COMMD10: variants seen among roughly 807,000 people sequenced by gnomAD.
COMMD10 encodes the protein COMM domain containing 10.
In COMMD10, 33 loss-of-function variants were observed where a neutral mutation model predicts 28.9. The observed-to-expected ratio is 1.14, with a 90% CI of 0.87 to 1.53. COMMD10 has a LOEUF of 1.53. Among genes scored for constraint, COMMD10 ranks in the 40% most tolerant of loss-of-function variants. The pLI is 0.00. For missense variants in COMMD10, 310 were observed against 233.4 expected (o/e 1.33, Z -2.14); for synonymous variants, 110 against 81.7 (o/e 1.35, Z -1.87).
rs71223098 is a variant in COMMD10, at chr5:116,212,522, G to GTGTGTGTGTGTGTGTA, written c.510+78345_510+78346insGTGTGTGTGTGTGTAT. Among the ~76,000 whole-genome samples the GTGTGTGTGTGTGTGTA allele has an allele frequency of 1.4e-3, 186 of 132,028 alleles. 10 individuals are homozygous for GTGTGTGTGTGTGTGTA. In the South Asian group the frequency reaches 0.025, roughly 18 times the overall value. The allele number at this position is 132,028 out of a possible 152,430, so 86.6% of individuals were successfully genotyped here. A position where few individuals can be genotyped will look rare whatever the true frequency, so the allele number is the denominator to read the frequency against. On this transcript the variant is annotated intron_variant, in intron 5 of 6. Coordinates refer to ENST00000274458, the MANE Select transcript of COMMD10 (RefSeq NM_016144.4). ...TGTGTGTGTGTGTGTGTGTGTGTGT[G>GTGTGTGTGTGTGTGTA]TAGAATGTGAGGGGGGTTGGATAGG...
intron 4 of COMMD10, among the ~76,000 whole-genome samples, chr5:116,125,418 C>T (rs147321229): frequency 0.01 from 1,570 of 152,248 alleles, 16 homozygotes; most frequent in African/African-American, 0.031. Flanking sequence ...CTGAGAGATG[C>T]GCTGTTAGTC....
intron 5 of COMMD10, among the ~76,000 whole-genome samples, chr5:116,272,194 C>T (rs1468360102): frequency 4.0e-5 from 6 of 151,792 alleles, no homozygotes; most frequent in Admixed American, 3.9e-4. Flanking sequence ...AGGAATTTAG[C>T]CATGTCAGTG....
chr5:116,171,472 T>A (rs905563535), intron 5 of COMMD10, among the ~76,000 whole-genome samples: 2 of 152,180 alleles, frequency 1.3e-5, no homozygotes, highest in African/African-American at 2.4e-5. Flanking sequence ...GCAATCCCCT[T>A]ACTGGGTATA....
rs577532190 is a variant in COMMD10 at position 116,268,107 on chromosome 5, A to C, written c.511-23410A>C. On this transcript the variant is annotated intron_variant, in intron 5 of 6. Coordinates refer to ENST00000274458, the MANE Select transcript of COMMD10 (RefSeq NM_016144.4). Reference sequence around the variant, plus strand: ...AGCCAAAATTGACAAATGGGATCTAATTAAACTAAAGAGCTTCTGCACAGC... The same window carrying C: ...AGCCAAAATTGACAAATGGGATCTACTTAAACTAAAGAGCTTCTGCACAGC... 4.9e-4 allele frequency among the ~76,000 whole-genome samples: 75 copies of C among 152,066 alleles called. 1 individual carries two copies. In the East Asian group the frequency reaches 5.6e-3, roughly 11 times the overall value.
intron 5 of COMMD10, among the ~76,000 whole-genome samples, chr5:116,169,424 G>A (rs189946642): frequency 6.6e-6 from 1 of 152,154 alleles, no homozygotes; most frequent in African/African-American, 2.4e-5. Flanking sequence ...GAGATACAAA[G>A]AGGAGTTTCC....
chr5:116,085,223 G>T, intron 1 of COMMD10, 130 bp downstream of exon 1: 1 of 375,316 alleles, frequency 2.7e-6, no homozygotes. Context: ...GGGGTGGGGT[G>T]GGCTGCCGAG....
chr5:116,106,583 G>C (rs1208384693), intron 4 of COMMD10, among the ~76,000 whole-genome samples: 3 of 152,100 alleles, frequency 2.0e-5, no homozygotes, highest in African/African-American at 7.2e-5. Flanking sequence ...TGATAGTGGG[G>C]TGTTAAAGTC....
At chr5:116,279,800 G>T (rs1043463684) in intron 5 of COMMD10, among the ~76,000 whole-genome samples, 1 of 151,682 alleles carries the variant, frequency 6.6e-6, no homozygotes, top group African/African-American at 2.4e-5. Flanking sequence ...CATTTTTTCA[G>T]ACCATTTTTG....
intron 5 of COMMD10, among the ~76,000 whole-genome samples, chr5:116,151,953 T>A (rs1342479131): frequency 6.6e-6 from 1 of 152,196 alleles, no homozygotes; most frequent in African/African-American, 2.4e-5. Flanking sequence ...GATGTTAGGG[T>A]GTCAGTTTTT....
chr5:116,126,401 C>T (rs1177817537), intron 4 of COMMD10, among the ~76,000 whole-genome samples: 1 of 138,436 alleles, frequency 7.2e-6, no homozygotes, highest in African/African-American at 3.3e-5. Flanking sequence ...CAATGACTTT[C>T]TTCACAGAAT....
intron 4 of COMMD10, among the ~76,000 whole-genome samples, chr5:116,122,324 CT>C (rs1415858600): frequency 6.6e-6 from 1 of 152,152 alleles, no homozygotes; most frequent in Non-Finnish European, 1.5e-5. Flanking sequence ...GGCCTCTGTT[CT>C]GTTCCATTGG....
At chr5:116,125,783 A>G (rs1255521263) in intron 4 of COMMD10, among the ~76,000 whole-genome samples, 2 of 151,862 alleles carry the variant, frequency 1.3e-5, no homozygotes, top group Non-Finnish European at 2.9e-5. Context: ...TTCTCGCTTC[A>G]TTTCATTCAT....
rs566678754 is a variant in COMMD10 at position 116,254,751 on chromosome 5, G to C, written c.511-36766G>C. On this transcript the variant is annotated intron_variant, in intron 5 of 6. Transcript: ENST00000274458. ...TCAGTTTTGGAATAGGTGTGGTGTG[G>C]TGCTGACAAAAATGTATATTCTGTT... Among the ~76,000 whole-genome samples, 396 of 151,816 alleles carry C rather than the reference G, an allele frequency of 2.6e-3. 6 individuals carry two copies. Among genetic ancestry groups the C allele is most frequent in the African/African-American group, 9.0e-3 (369 of 41,184 alleles).
chr5:116,236,595 GAA>G (rs1475222821), intron 5 of COMMD10, among the ~76,000 whole-genome samples: 1 of 151,080 alleles, frequency 6.6e-6, no homozygotes, highest in East Asian at 1.9e-4. Flanking sequence ...AAGCCAATGT[GAA>G]AAGACTCTAT....
chr5:116,137,875 T>C (rs1752076484), intron 5 of COMMD10, among the ~76,000 whole-genome samples: 2 of 151,976 alleles, frequency 1.3e-5, no homozygotes, highest in Admixed American at 6.6e-5. Context: ...TGTTTTTGGT[T>C]AATTGTCTTA....
At chr5:116,155,709 A>G (rs994507446) in intron 5 of COMMD10, among the ~76,000 whole-genome samples, 8 of 151,996 alleles carry the variant, frequency 5.3e-5, no homozygotes, top group East Asian at 1.9e-4. Flanking sequence ...TTGTGATTCT[A>G]TTGCTTTCAG....
intron 4 of COMMD10, among the ~76,000 whole-genome samples, chr5:116,116,703 ATTTTTTTTT>A (rs70978604): frequency 0.015 from 1,872 of 121,480 alleles, 32 homozygotes; most frequent in African/African-American, 0.052. Context: ...AAATGCAGAG[ATTTTTTTTT>A]TTTTTTTTTT....
chr5:116,251,294 A>AT (rs1554055497), intron 5 of COMMD10, among the ~76,000 whole-genome samples: 42 of 131,510 alleles, frequency 3.2e-4, no homozygotes, highest in South Asian at 2.6e-3. Flanking sequence ...TTATTTATTT[A>AT]TTTATTTATT....
At chr5:116,155,686 C>T (rs571429309) in intron 5 of COMMD10, among the ~76,000 whole-genome samples, 2 of 152,042 alleles carry the variant, frequency 1.3e-5, no homozygotes, top group East Asian at 3.9e-4. Context: ...TTTTTCCCCT[C>T]CATATGTGTT....
Sources: gnomAD v4.1 joint callset for allele counts (sites outside exome capture counted in the v4.1 genomes callset) on GRCh38, gnomAD v4.1.1 for gene constraint, MANE v1.5 for transcripts, NCBI Gene and HGNC (gene_info 2026-07-23, HGNC 2026-07-21) for gene names.